The following BCAP29 variants were observed in gnomAD, a reference collection of about 807,000 sequenced individuals.
The protein encoded by BCAP29 is B-cell receptor-associated protein 29.
In BCAP29, 34 loss-of-function variants were observed where a neutral mutation model predicts 31.8. The ratio of observed to expected loss-of-function variants is 1.07; its 90% CI spans 0.81 to 1.42. BCAP29 has a LOEUF of 1.42. BCAP29 is among the 40% of genes most tolerant of loss of function. The pLI, the probability that BCAP29 is intolerant of heterozygous loss-of-function variation, is 0.00. For synonymous variants in BCAP29, 104 were observed against 91.3 expected (o/e 1.14, Z -0.79); for missense variants, 314 against 269.2 (o/e 1.17, Z -1.16).
intron 3 of BCAP29, among the ~76,000 whole-genome samples, chr7:107,586,594 G>A (rs530458100): frequency 1.3e-5 from 2 of 152,222 alleles, no homozygotes; most frequent in East Asian, 3.9e-4. Context: ...AGTCCACAAC[G>A]ATGTAAATAA....
At chr7:107,586,430 T>C (rs1309266136) in intron 3 of BCAP29, among the ~76,000 whole-genome samples, 1 of 152,150 alleles carries the variant, frequency 6.6e-6, no homozygotes, top group Non-Finnish European at 1.5e-5. Context: ...ACAGGGCAAT[T>C]AATTCCCAGA....
chr7:107,611,222 T>C (rs985079818), intron 6 of BCAP29, among the ~76,000 whole-genome samples: 12 of 152,126 alleles, frequency 7.9e-5, no homozygotes, highest in Admixed American at 1.3e-4. Context: ...TTTCAACATA[T>C]GAATTTTGTG....
downstream of BCAP29, chr7:107,623,167 C>A (rs2129303148): frequency 6.6e-6 from 1 of 152,290 alleles, no homozygotes; most frequent in African/African-American, 2.4e-5. Context: ...TCCTGAATTG[C>A]TGTGAATGAC....
intron 3 of BCAP29, among the ~76,000 whole-genome samples, chr7:107,592,615 T>C (rs912500468): frequency 1.3e-5 from 2 of 152,228 alleles, no homozygotes; most frequent in Non-Finnish European, 2.9e-5. Flanking sequence ...CACATGTCGA[T>C]ATAAAACTTG....
At chr7:107,599,325 A>AT (rs1491370879) in intron 5 of BCAP29, among the ~76,000 whole-genome samples, 4 of 126,698 alleles carry the variant, frequency 3.2e-5, no homozygotes, top group South Asian at 4.7e-4. Flanking sequence ...ATATATATAT[A>AT]AATATATATA....
chr7:107,617,322 C>G (rs1814364992), intron 7 of BCAP29, among the ~76,000 whole-genome samples: 1 of 152,140 alleles, frequency 6.6e-6, no homozygotes, highest in Non-Finnish European at 1.5e-5. Context: ...ACGCTGATTT[C>G]TTTACTGTAA....
At chr7:107,609,409 C>T (rs1381347512) in intron 6 of BCAP29, among the ~76,000 whole-genome samples, 3 of 152,088 alleles carry the variant, frequency 2.0e-5, no homozygotes, top group Middle Eastern at 3.2e-3. Context: ...CGGGCAACTA[C>T]GTGAGAAATC....
At chr7:107,604,275 T>C (rs1451076492) in intron 6 of BCAP29, among the ~76,000 whole-genome samples, 1 of 152,188 alleles carries the variant, frequency 6.6e-6, no homozygotes, top group African/African-American at 2.4e-5. Flanking sequence ...ATGTTAAGTT[T>C]TTTTTACTTT....
At chr7:107,601,348 G>A (rs1201539171) in intron 6 of BCAP29, among the ~76,000 whole-genome samples, 1 of 152,112 alleles carries the variant, frequency 6.6e-6, no homozygotes, top group Non-Finnish European at 1.5e-5. Flanking sequence ...CAATCAGGGT[G>A]TATTTGAATT....
chr7:107,589,465 G>A (rs764230591), intron 3 of BCAP29, among the ~76,000 whole-genome samples: 16 of 152,082 alleles, frequency 1.1e-4, no homozygotes, highest in Non-Finnish European at 2.1e-4. Flanking sequence ...CCTTGCACGC[G>A]CAGTTCACAA....
At chr7:107,585,427 AT>A (rs1357713446) in intron 3 of BCAP29, among the ~76,000 whole-genome samples, 4 of 152,322 alleles carry the variant, frequency 2.6e-5, no homozygotes, top group African/African-American at 7.2e-5. Flanking sequence ...ATCTCTAGCC[AT>A]ATAACTAGTT....
chr7:107,612,908 G>A (rs1189444604), intron 6 of BCAP29, among the ~76,000 whole-genome samples: 1 of 152,100 alleles, frequency 6.6e-6, no homozygotes, highest in Non-Finnish European at 1.5e-5. Context: ...ATAACTAAAT[G>A]CAATATGTGA....
chr7:107,588,795 C>T (rs1045386494), intron 3 of BCAP29, among the ~76,000 whole-genome samples: 9 of 152,084 alleles, frequency 5.9e-5, no homozygotes, highest in African/African-American at 1.9e-4. Flanking sequence ...AAAAGGGAAC[C>T]CCAAAATCCA....
Position 107,594,092 on chromosome 7 carries a change from C to G in BCAP29, c.331C>G (p.Leu111Val). ...AAATCTTTACATTTCTGGATTTTCC[C>G]TATTTTTTTGGCTGTAAGTAAAAAA... ...QRNLYISGFS[L>V]FFWLVLRRLV... The change falls in exon 4 of 8, where the codon CTA becomes GTA. Residue 111 changes from leucine (L) to valine (V), a missense_variant. Leu to Val is a conservative substitution (Grantham distance 32). Coordinates refer to ENST00000005259, the MANE Select transcript of BCAP29 (RefSeq NM_018844.4). 1.9e-6 allele frequency: 3 copies of G among 1,610,248 alleles called. No individual in the cohort carries two copies. The highest frequency in any genetic ancestry group is 2.5e-6 in the Non-Finnish European group (3 of 1,178,126).
intron 6 of BCAP29, among the ~76,000 whole-genome samples, chr7:107,610,863 T>G (rs1305953374): frequency 9.9e-5 from 15 of 152,184 alleles, no homozygotes; most frequent in Non-Finnish European, 1.5e-5. Flanking sequence ...AAGTATAAAT[T>G]GTTTTTGACA....
intron 6 of BCAP29, among the ~76,000 whole-genome samples, chr7:107,605,388 C>T (rs1811904780): frequency 1.3e-5 from 2 of 152,130 alleles, no homozygotes; most frequent in Non-Finnish European, 2.9e-5. Context: ...AAACATATGT[C>T]CATAAAGGGA....
At chr7:107,587,251 T>TA (rs1469784096) in intron 3 of BCAP29, among the ~76,000 whole-genome samples, 8 of 152,222 alleles carry the variant, frequency 5.3e-5, no homozygotes, top group Non-Finnish European at 1.5e-5. Flanking sequence ...AGGTGGTTTA[T>TA]AGAAAATTGA....
chr7:107,618,552 A>G lies in BCAP29; in HGVS notation c.*189A>G, dbSNP rs768823124. ...GTTTCAGATATATTGCAAAGTCTGT[A>G]TTCCAGCTCTTAAGAAAAATATAAG... On this transcript the variant is annotated 3_prime_UTR_variant, in exon 8 of 8. Coordinates refer to ENST00000005259, the MANE Select transcript of BCAP29 (RefSeq NM_018844.4). 2 of 1,600,624 alleles carry G rather than the reference A, an allele frequency of 1.2e-6. No individual in the cohort carries two copies. Among genetic ancestry groups the G allele is most frequent in the South Asian group, 1.1e-5 (1 of 90,398 alleles).
chr7:107,584,063 A>G, intron 3 of BCAP29, 81 bp downstream of exon 3: 2 of 770,582 alleles, frequency 2.6e-6, no homozygotes, highest in South Asian at 2.5e-5. Flanking sequence ...TGATGTTACA[A>G]TTGGTGTACA....
Sources: allele counts gnomAD v4.1 joint callset (sites outside exome capture counted in the v4.1 genomes callset), GRCh38; gene constraint gnomAD v4.1.1; transcripts MANE v1.5; gene names NCBI Gene and HGNC (gene_info 2026-07-23, HGNC 2026-07-21).